Variants in IST1 observed in about 807,000 individuals in gnomAD.
IST1 encodes the protein IST1 homolog.
Under a neutral mutation model 37.0 loss-of-function variants are expected in IST1, and 23 were observed. The ratio of observed to expected loss-of-function variants is 0.62; its 90% confidence interval spans 0.45 to 0.88. The LOEUF (loss-of-function observed/expected upper bound fraction) is 0.88. IST1 is among the 40% of genes least tolerant of loss of function. The pLI, the probability that IST1 is intolerant of heterozygous loss-of-function variation, is 0.00. For synonymous variants in IST1, 180 were observed against 161.7 expected, an observed-to-expected ratio of 1.11 and a Z score of -0.86; for missense variants, 488 against 445.4, an observed-to-expected ratio of 1.10 and a Z score of -0.86.
At chr16:71,900,673 A>T (rs112888991) in intron 1 of IST1, among the ~76,000 whole-genome samples, 198 of 151,964 alleles carry the variant, frequency 1.3e-3, no homozygotes, top group African/African-American at 1.9e-3. Flanking sequence ...AGATAAGTAT[A>T]TATGTATATA....
In IST1 at chr16:71,923,346, C is replaced by T; in HGVS notation, c.818C>T (p.Pro273Leu). 6.2e-7 allele frequency: 1 copy of T among 1,611,900 alleles called. No individual in the cohort carries two copies. Among genetic ancestry groups the T allele is most frequent in the Non-Finnish European group, 8.5e-7 (1 of 1,178,112 alleles). Residue 273 changes from proline to leucine, a missense_variant, in exon 8 of 10, where the codon CCT (proline) becomes CTT (leucine). Transcript: ENST00000378799. ...CAGGCCTTTCCCAATATTCATCCACCTCAGATACCAGCAACTCCCCCATCG... is the reference window on the plus strand; with the variant it reads ...CAGGCCTTTCCCAATATTCATCCACTTCAGATACCAGCAACTCCCCCATCG... ...TYQAFPNIHP[P>L]QIPATPPSYE...
intron 2 of IST1, 117 bp from the exon 3 acceptor site, chr16:71,916,345 G>T: frequency 1.1e-6 from 1 of 940,240 alleles, no homozygotes. Flanking sequence ...ATTTGCTAAA[G>T]GAGAGGAGCT....
At chr16:71,922,795 T>G in intron 7 of IST1, 115 bp downstream of exon 7, 2 of 830,518 alleles carry the variant, frequency 2.4e-6, no homozygotes, top group Non-Finnish European at 1.9e-6. Context: ...GTAAGAACAT[T>G]TGGTATTAGC....
rs534339904 is a variant in IST1, at chr16:71,929,739, TAAAA to T, written c.*1930_*1933del. 812 of 1,393,116 alleles carry T rather than the reference TAAAA, an allele frequency of 5.8e-4. 4 individuals are homozygous for T. The highest frequency in any genetic ancestry group is 3.8e-3 in the Middle Eastern group (21 of 5,472). 86.3% of individuals were successfully genotyped at this position (1,393,116 alleles called of 1,614,324 possible). A position where few individuals can be genotyped will look rare whatever the true frequency, so the allele number is the denominator to read the frequency against. ...ATTGAAATTACTGCTAATAGTGGAG[TAAAA>T]AAAGTACCAAAGATTTTTAAAAAAT... On this transcript the variant is annotated 3_prime_UTR_variant, in exon 10 of 10. Transcript: ENST00000378799.
At chr16:71,900,030 A>G (rs917288529) in intron 1 of IST1, among the ~76,000 whole-genome samples, 6 of 150,034 alleles carry the variant, frequency 4.0e-5, no homozygotes, top group South Asian at 2.1e-4. Context: ...GCTGGGCGTG[A>G]TGGCAGACAC....
chr16:71,910,403 G>A (rs1025342166), intron 1 of IST1, among the ~76,000 whole-genome samples: 10 of 152,128 alleles, frequency 6.6e-5, no homozygotes, highest in South Asian at 4.2e-4. Context: ...TCAGGAGATC[G>A]AGACCATCCT....
chr16:71,924,132 G>C (rs1183235824), intron 8 of IST1: 2 of 455,960 alleles, frequency 4.4e-6, no homozygotes, highest in Non-Finnish European at 8.8e-6. Flanking sequence ...CTTATGCTTT[G>C]GTTTTGCATG....
intron 6 of IST1, chr16:71,921,655 C>A: frequency 2.0e-6 from 1 of 505,626 alleles, no homozygotes; most frequent in Non-Finnish European, 3.6e-6. Flanking sequence ...TTGAGAAGGT[C>A]AAAACCTTGA....
intron 1 of IST1, among the ~76,000 whole-genome samples, chr16:71,901,502 C>T (rs1049351573): frequency 6.6e-6 from 1 of 152,144 alleles, no homozygotes; most frequent in Non-Finnish European, 1.5e-5. Context: ...TGTGAGCCAC[C>T]GCGCCCTGCG....
chr16:71,930,076 A>G lies in IST1; in HGVS notation c.*2263A>G. 1 of 1,549,946 alleles carries G rather than the reference A, an allele frequency of 6.5e-7. No homozygotes were observed. The highest frequency in any genetic ancestry group is 1.2e-5 in the South Asian group (1 of 83,900). ...CCTTAAGCGACTTTCTTTCTTTTCC[A>G]AAGGCCATGAGAATGGCCGAAACGA... On this transcript the variant is annotated 3_prime_UTR_variant, in exon 10 of 10. Coordinates refer to ENST00000378799, the MANE Select transcript of IST1 (RefSeq NM_001270975.2).
intron 1 of IST1, among the ~76,000 whole-genome samples, chr16:71,909,730 T>G (rs537747718): frequency 1.3e-5 from 2 of 152,228 alleles, no homozygotes; most frequent in Non-Finnish European, 2.9e-5. Flanking sequence ...TACAAAATAG[T>G]AAATGAAAAC....
chr16:71,894,753 C>A, upstream of IST1: 2 of 884,810 alleles, frequency 2.3e-6, no homozygotes, highest in South Asian at 1.5e-5. Flanking sequence ...CCAGGCTGGT[C>A]TGCAACTCCC....
chr16:71,901,501 C>T (rs1309202638), intron 1 of IST1, among the ~76,000 whole-genome samples: 1 of 152,206 alleles, frequency 6.6e-6, no homozygotes, highest in East Asian at 1.9e-4. Flanking sequence ...GTGTGAGCCA[C>T]CGCGCCCTGC....
At chr16:71,899,959 T>G (rs1333671000) in intron 1 of IST1, among the ~76,000 whole-genome samples, 1 of 143,336 alleles carries the variant, frequency 7.0e-6, no homozygotes, top group African/African-American at 2.6e-5. Flanking sequence ...ATTGCGCCAC[T>G]GCACTCTAGC....
intron 8 of IST1, chr16:71,924,488 G>T (rs1054070371): frequency 1.9e-6 from 1 of 536,628 alleles, no homozygotes; most frequent in Non-Finnish European, 3.4e-6. Context: ...CTATGCAGGA[G>T]GCTGAGGCGG....
At chr16:71,915,801 C>G in intron 2 of IST1, 73 bp downstream of exon 2, 1 of 901,484 alleles carries the variant, frequency 1.1e-6, no homozygotes, top group South Asian at 1.4e-5. Flanking sequence ...TCTTTCAGGC[C>G]AGTACTATGA....
Position 71,916,523 on chromosome 16 carries a change from ACGAGCT to A in IST1, c.153_158del (p.Ala52_Arg53del). On this transcript the variant is annotated inframe_deletion, in exon 3 of 10. Coordinates refer to ENST00000378799, the MANE Select transcript of IST1 (RefSeq NM_001270975.2). ...ACTATCTGGCTGCTGGGAAAGATGA[ACGAGCT>A]CGGATCCGTGTGGAGCACATTATCC... 6.2e-7 allele frequency: 1 copy of A among 1,613,706 alleles called. No individual in the cohort carries two copies. The highest frequency in any genetic ancestry group is 8.5e-7 in the Non-Finnish European group (1 of 1,179,850).
chr16:71,909,093 G>GTTTTTT (rs1229864503), intron 1 of IST1, among the ~76,000 whole-genome samples: 1 of 94,764 alleles, frequency 1.1e-5, no homozygotes, highest in African/African-American at 3.8e-5. Context: ...AATTTTGTTT[G>GTTTTTT]TCTTTTTTTT....
chr16:71,923,792 C>G (rs2037669485), intron 8 of IST1, among the ~76,000 whole-genome samples: 1 of 152,130 alleles, frequency 6.6e-6, no homozygotes, highest in Non-Finnish European at 1.5e-5. Context: ...CCAGATTGAT[C>G]TTAATCAGAA....
Sources: gnomAD v4.1 joint callset for allele counts (sites outside exome capture counted in the v4.1 genomes callset) on GRCh38, gnomAD v4.1.1 for gene constraint, MANE v1.5 for transcripts, NCBI Gene and HGNC (gene_info 2026-07-23, HGNC 2026-07-21) for gene names.